RNF130: variants seen among roughly 807,000 people sequenced by gnomAD.
The protein encoded by RNF130 is E3 ubiquitin-protein ligase RNF130.
A neutral mutation model predicts 44.6 loss-of-function variants in RNF130; 21 were observed. That is an observed-to-expected ratio of 0.47 (90% CI 0.33 to 0.68). The LOEUF (loss-of-function observed/expected upper bound fraction) is 0.68. RNF130 is among the 30% of genes least tolerant of loss of function. RNF130 has a pLI of 0.02. For synonymous variants in RNF130, 214 were observed against 210.4 expected, an observed-to-expected ratio of 1.02 and a Z score of -0.15; for missense variants, 479 against 560.6, an observed-to-expected ratio of 0.85 and a Z score of 1.47.
chr5:179,946,351 C>G (rs942218237), intron 7 of RNF130, among the ~76,000 whole-genome samples: 6 of 152,216 alleles, frequency 3.9e-5, no homozygotes, highest in African/African-American at 1.4e-4. Context: ...GTCAGGCCCC[C>G]CTCCTGACCC....
At chr5:180,005,700 A>T (rs1410912110) in intron 3 of RNF130, among the ~76,000 whole-genome samples, 1 of 152,176 alleles carries the variant, frequency 6.6e-6, no homozygotes, top group Non-Finnish European at 1.5e-5. Flanking sequence ...CCAAGGTCAC[A>T]ACCTACCTTC....
At chr5:179,927,970 A>G (rs776170996) in intron 7 of RNF130, among the ~76,000 whole-genome samples, 2 of 152,128 alleles carry the variant, frequency 1.3e-5, no homozygotes, top group Non-Finnish European at 2.9e-5. Flanking sequence ...TGACACACAA[A>G]TGTCTGACAT....
At chr5:179,913,327 G>A (rs1194368713) in exon 8 of RNF130, 1 of 151,860 alleles carries the variant, frequency 6.6e-6, no homozygotes, top group Non-Finnish European at 1.5e-5. Flanking sequence ...CTGAAAGCTT[G>A]AAACTCAAGT....
At chr5:179,936,492 G>A (rs1761892904) in intron 7 of RNF130, among the ~76,000 whole-genome samples, 1 of 152,106 alleles carries the variant, frequency 6.6e-6, no homozygotes. Context: ...GCCTCCCAAA[G>A]TGCTGGGATT....
chr5:179,982,410 T>A (rs1416830910), intron 3 of RNF130, among the ~76,000 whole-genome samples: 1 of 152,054 alleles, frequency 6.6e-6, no homozygotes, highest in South Asian at 2.1e-4. Context: ...ATACTGCAAG[T>A]AGAAAGATGG....
chr5:180,006,308 C>G (rs931339230), intron 3 of RNF130, among the ~76,000 whole-genome samples: 1 of 151,796 alleles, frequency 6.6e-6, no homozygotes, highest in African/African-American at 2.4e-5. Flanking sequence ...AAAAAAAAAC[C>G]TTTTGAACCC....
chr5:179,964,530 CAG>C (rs1762401728), intron 7 of RNF130: 1 of 152,312 alleles, frequency 6.6e-6, no homozygotes, highest in African/African-American at 2.4e-5. Context: ...TGCAAGAAGG[CAG>C]AGAGAACTCT....
chr5:179,933,899 C>G, intron 7 of RNF130: 2 of 643,436 alleles, frequency 3.1e-6, no homozygotes, highest in Non-Finnish European at 5.6e-6. Context: ...TAAAATGAAT[C>G]CAAACTGTCA....
At chr5:179,916,413 T>G (rs1761545752) in exon 8 of RNF130, 1 of 152,190 alleles carries the variant, frequency 6.6e-6, no homozygotes, top group Admixed American at 6.5e-5. Flanking sequence ...TGATTTAGCG[T>G]GTAGCTCGAA....
At chr5:180,004,920 C>A (rs771492201) in intron 3 of RNF130, among the ~76,000 whole-genome samples, 8 of 152,184 alleles carry the variant, frequency 5.3e-5, no homozygotes, top group Non-Finnish European at 1.0e-4. Context: ...TCATTCACCA[C>A]CATTTTTTCC....
chr5:179,944,973 A>G (rs1196438542), intron 7 of RNF130, among the ~76,000 whole-genome samples: 2 of 152,120 alleles, frequency 1.3e-5, no homozygotes, highest in African/African-American at 2.4e-5. Context: ...TGGTATCTGC[A>G]CCTGTTGAAA....
chr5:179,959,320 T>C (rs1762275337), intron 8 of RNF130, among the ~76,000 whole-genome samples: 1 of 152,188 alleles, frequency 6.6e-6, no homozygotes, highest in African/African-American at 2.4e-5. Flanking sequence ...ATGCTGAGTG[T>C]GCTAGTTTCT....
At chr5:179,992,750 G>A (rs1259725598) in intron 3 of RNF130, among the ~76,000 whole-genome samples, 1 of 152,044 alleles carries the variant, frequency 6.6e-6, no homozygotes, top group African/African-American at 2.4e-5. Flanking sequence ...TATACTTTAA[G>A]TTCTAGGGTA....
intron 7 of RNF130, among the ~76,000 whole-genome samples, chr5:179,928,071 CAATT>C (rs1761731753): frequency 6.6e-6 from 1 of 152,226 alleles, no homozygotes; most frequent in Non-Finnish European, 1.5e-5. Context: ...GGCCACCACA[CAATT>C]GATTGGTCTA....
At chr5:179,934,975 G>A (rs1410705021) in intron 7 of RNF130, among the ~76,000 whole-genome samples, 8 of 152,048 alleles carry the variant, frequency 5.3e-5, no homozygotes, top group African/African-American at 7.2e-5. Context: ...CTAGGCTTTC[G>A]AGATTTAAGG....
chr5:180,039,247 C>CT (rs945116160), intron 2 of RNF130, among the ~76,000 whole-genome samples: 95 of 148,568 alleles, frequency 6.4e-4, no homozygotes, highest in African/African-American at 1.7e-3. Flanking sequence ...CTTTTCTTTT[C>CT]TTTTTTTTTT....
chr5:179,943,974 A>ATT (rs1428173573), intron 7 of RNF130, among the ~76,000 whole-genome samples: 4 of 145,994 alleles, frequency 2.7e-5, no homozygotes, highest in Non-Finnish European at 4.5e-5. Context: ...TTTCTGAGAA[A>ATT]TTTTTTTTTT....
intron 1 of RNF130, among the ~76,000 whole-genome samples, chr5:180,045,507 T>C (rs1359039588): frequency 1.3e-5 from 2 of 152,112 alleles, no homozygotes; most frequent in Admixed American, 6.5e-5. Context: ...AGAACAAAGC[T>C]CCCACAGCGC....
Position 180,013,450 on chromosome 5 carries a change from T to C in RNF130, c.443-139A>G, listed in dbSNP as rs111513318. 28 of 736,438 alleles carry C rather than the reference T, an allele frequency of 3.8e-5. 3 individuals carry two copies. Among genetic ancestry groups the C allele is most frequent in the African/African-American group, 2.5e-4 (14 of 56,362 alleles). The allele number at this position is 736,438 out of a possible 1,614,324, so 45.6% of individuals were successfully genotyped here. On this transcript the variant is annotated intron_variant, in intron 2 of 8. Coordinates refer to ENST00000521389, the MANE Select transcript of RNF130 (RefSeq NM_018434.6). ...TGCAAACTCCACTTCTCAACTGAAA[T>C]GTAGATGCAGCTGGGTATGCTGGCA...
Sources: allele counts gnomAD v4.1 joint callset (sites outside exome capture counted in the v4.1 genomes callset), GRCh38; gene constraint gnomAD v4.1.1; transcripts MANE v1.5; gene names NCBI Gene and HGNC (gene_info 2026-07-23, HGNC 2026-07-21).